The following NRXN3 variants were observed in gnomAD, a reference collection of about 807,000 sequenced individuals.
NRXN3 encodes the protein neurexin III.
In NRXN3, 32 loss-of-function variants were observed where a neutral mutation model predicts 137.6. That is an observed-to-expected ratio of 0.23 (90% confidence interval 0.18 to 0.31). The LOEUF (loss-of-function observed/expected upper bound fraction) is 0.31, where lower values mean the gene tolerates loss of function less well. Ranked by LOEUF, NRXN3 falls within the 10% of genes least tolerant of loss-of-function variation. The pLI, the probability that NRXN3 is intolerant of heterozygous loss-of-function variation, is 1.00. For synonymous variants in NRXN3, 798 were observed against 784.5 expected (o/e 1.02, Z -0.29); for missense variants, 1,574 against 2,062.5 (o/e 0.76, Z 4.59).
At chr14:78,465,475 A>T (rs1408993201) in intron 4 of NRXN3, among the ~76,000 whole-genome samples, 1 of 152,192 alleles carries the variant, frequency 6.6e-6, no homozygotes. Flanking sequence ...TAAAAAGATG[A>T]TATGGGAAAG....
chr14:78,828,855 T>C (rs925803819), intron 10 of NRXN3, among the ~76,000 whole-genome samples: 1 of 152,200 alleles, frequency 6.6e-6, no homozygotes, highest in African/African-American at 2.4e-5. Flanking sequence ...GTTCAAGTAA[T>C]GCCAAATGCA....
At chr14:79,700,460 A>G (rs975729488) in intron 19 of NRXN3, among the ~76,000 whole-genome samples, 3 of 152,076 alleles carry the variant, frequency 2.0e-5, no homozygotes, top group African/African-American at 7.2e-5. Context: ...ATTTAATAAC[A>G]TTGTCAAAGC....
intron 4 of NRXN3, among the ~76,000 whole-genome samples, chr14:78,443,554 C>T (rs1237485670): frequency 1.3e-5 from 2 of 152,144 alleles, no homozygotes; most frequent in Admixed American, 1.3e-4. Flanking sequence ...AGTGACTCTA[C>T]TCCTCAAATG....
At chr14:79,547,294 T>C (rs2097330220) in intron 16 of NRXN3, among the ~76,000 whole-genome samples, 1 of 152,162 alleles carries the variant, frequency 6.6e-6, no homozygotes, top group African/African-American at 2.4e-5. Context: ...TTGTACTATA[T>C]TACTCCATCT....
intron 10 of NRXN3, among the ~76,000 whole-genome samples, chr14:78,890,394 T>C (rs1402236585): frequency 6.6e-6 from 1 of 151,944 alleles, no homozygotes; most frequent in Non-Finnish European, 1.5e-5. Context: ...ATAATATAAA[T>C]AATCTAAGCA....
At chr14:79,517,014 A>C (rs1309810081) in intron 16 of NRXN3, among the ~76,000 whole-genome samples, 3 of 151,782 alleles carry the variant, frequency 2.0e-5, no homozygotes, top group Non-Finnish European at 4.4e-5. Flanking sequence ...AATGACTTCT[A>C]GGAGGTATAT....
chr14:79,639,883 AC>A (rs2098424114), intron 16 of NRXN3, among the ~76,000 whole-genome samples: 1 of 114,702 alleles, frequency 8.7e-6, no homozygotes, highest in African/African-American at 3.0e-5. Context: ...CCTCCTCCCC[AC>A]CCCCACCATC....
intron 16 of NRXN3, among the ~76,000 whole-genome samples, chr14:79,529,051 C>T (rs982552748): frequency 2.0e-5 from 3 of 152,068 alleles, no homozygotes; most frequent in Admixed American, 6.6e-5. Flanking sequence ...CAGGACGAGC[C>T]GCAGACGAAA....
chr14:78,837,072 C>G (rs1197409407), intron 10 of NRXN3, among the ~76,000 whole-genome samples: 2 of 152,114 alleles, frequency 1.3e-5, no homozygotes, highest in African/African-American at 4.8e-5. Flanking sequence ...AAACTTTTGC[C>G]TGGGAGTTGG....
At chr14:79,610,500 A>G (rs1373300174) in intron 16 of NRXN3, among the ~76,000 whole-genome samples, 1 of 152,224 alleles carries the variant, frequency 6.6e-6, no homozygotes, top group Non-Finnish European at 1.5e-5. Context: ...TTGACTGGCT[A>G]CTACGTGCCA....
At chr14:78,936,079 G>A (rs2099337608) in intron 10 of NRXN3, among the ~76,000 whole-genome samples, 1 of 152,056 alleles carries the variant, frequency 6.6e-6, no homozygotes, top group Non-Finnish European at 1.5e-5. Flanking sequence ...TTGCTTACAG[G>A]ACAATGTCCA....
At chr14:79,723,166 G>A (rs1410840703) in intron 19 of NRXN3, among the ~76,000 whole-genome samples, 1 of 152,016 alleles carries the variant, frequency 6.6e-6, no homozygotes, top group East Asian at 1.9e-4. Context: ...GGAAATACTT[G>A]GAAATATCTT....
chr14:78,551,550 C>T (rs1423118156), intron 4 of NRXN3, among the ~76,000 whole-genome samples: 1 of 150,014 alleles, frequency 6.7e-6, no homozygotes, highest in Admixed American at 6.7e-5. Flanking sequence ...TTTTTAATCT[C>T]ACCTCCTCTC....
At chr14:79,135,855 G>C (rs1003315995) in intron 15 of NRXN3, among the ~76,000 whole-genome samples, 60 of 152,178 alleles carry the variant, frequency 3.9e-4, no homozygotes, top group African/African-American at 1.4e-3. Context: ...AGTTTTCTAA[G>C]ATCACACAGC....
intron 16 of NRXN3, among the ~76,000 whole-genome samples, chr14:79,654,233 C>G (rs752568399): frequency 2.0e-5 from 3 of 151,836 alleles, no homozygotes; most frequent in Non-Finnish European, 4.4e-5. Flanking sequence ...ATCCTCTCAC[C>G]CTATTTGAGT....
chr14:79,491,139 A>G (rs1452851481), intron 16 of NRXN3, among the ~76,000 whole-genome samples: 2 of 152,066 alleles, frequency 1.3e-5, no homozygotes, highest in Admixed American at 6.6e-5. Context: ...GGTAGGAACT[A>G]TTATCCTGAT....
At chr14:78,847,160 C>G (rs1053740684) in intron 10 of NRXN3, among the ~76,000 whole-genome samples, 2 of 152,040 alleles carry the variant, frequency 1.3e-5, no homozygotes, top group Non-Finnish European at 2.9e-5. Flanking sequence ...CAATGAAACT[C>G]CATATGAGAG....
chr14:79,653,261 A>G (rs2153974740), intron 16 of NRXN3, among the ~76,000 whole-genome samples: 1 of 152,320 alleles, frequency 6.6e-6, no homozygotes, highest in African/African-American at 2.4e-5. Flanking sequence ...AGTATTTTGC[A>G]GATGCATTGG....
chr14:79,097,636 G>A (rs1200427196), intron 15 of NRXN3, among the ~76,000 whole-genome samples: 1 of 152,172 alleles, frequency 6.6e-6, no homozygotes, highest in Non-Finnish European at 1.5e-5. Flanking sequence ...GGTTCATTCT[G>A]TGTTTCCTCT....
Sources: allele counts gnomAD v4.1 joint callset (sites outside exome capture counted in the v4.1 genomes callset), GRCh38; gene constraint gnomAD v4.1.1; transcripts MANE v1.5; gene names NCBI Gene and HGNC (gene_info 2026-07-23, HGNC 2026-07-21).